Variants in THOC7 observed in about 807,000 individuals in gnomAD.
THOC7 encodes the protein THO complex subunit 7, also known as NIF3L1-binding protein 1.
In THOC7, 22 loss-of-function variants were observed where a neutral mutation model predicts 33.1. The ratio of observed to expected loss-of-function variants is 0.66; its 90% CI spans 0.47 to 0.95. The LOEUF is 0.95. THOC7 is among the 40% of genes least tolerant of loss of function. THOC7 has a pLI of 0.00. For synonymous variants in THOC7, 77 were observed against 76.8 expected, an observed-to-expected ratio of 1.00 and a Z score of -0.01; for missense variants, 184 against 245.3, an observed-to-expected ratio of 0.75 and a Z score of 1.67.
chr3:63,849,363 G>A (rs908147362), intron 1 of THOC7, among the ~76,000 whole-genome samples: 1 of 152,108 alleles, frequency 6.6e-6, no homozygotes, highest in African/African-American at 2.4e-5. Flanking sequence ...CCTCTAGCCT[G>A]GGTGACAGAG....
intron 1 of THOC7, among the ~76,000 whole-genome samples, chr3:63,845,532 C>T (rs1482232516): frequency 6.6e-6 from 1 of 152,178 alleles, no homozygotes; most frequent in Non-Finnish European, 1.5e-5. Context: ...TAACCAACGG[C>T]AGTCACAGTA....
chr3:63,849,344 C>A (rs141114217), intron 1 of THOC7, among the ~76,000 whole-genome samples: 1 of 152,102 alleles, frequency 6.6e-6, no homozygotes, highest in East Asian at 1.9e-4. Context: ...GCCAAGACTG[C>A]GTCACTGCCC....
At chr3:63,839,006 C>T (rs1701697324) in intron 2 of THOC7, among the ~76,000 whole-genome samples, 1 of 152,178 alleles carries the variant, frequency 6.6e-6, no homozygotes, top group African/African-American at 2.4e-5. Flanking sequence ...GCCTGGCCAA[C>T]ATGGTGAAAC....
chr3:63,851,186 C>G (rs1702014527), intron 1 of THOC7, among the ~76,000 whole-genome samples: 1 of 152,168 alleles, frequency 6.6e-6, no homozygotes, highest in South Asian at 2.1e-4. Flanking sequence ...AGAGAGCCAT[C>G]TGTCAAGCAT....
chr3:63,852,199 G>T (rs568224585), intron 1 of THOC7, among the ~76,000 whole-genome samples: 1 of 152,166 alleles, frequency 6.6e-6, no homozygotes, highest in Non-Finnish European at 1.5e-5. Flanking sequence ...CAAGAGATCC[G>T]CCTAGATTTC....
intron 1 of THOC7, among the ~76,000 whole-genome samples, chr3:63,857,883 T>C (rs76929260): frequency 0.015 from 2,328 of 152,302 alleles, 29 homozygotes; most frequent in Non-Finnish European, 0.024. Flanking sequence ...CAAGGTGAAA[T>C]GTCCATCTTG....
At chr3:63,853,713 C>G (rs1702058957) in intron 1 of THOC7, among the ~76,000 whole-genome samples, 1 of 152,136 alleles carries the variant, frequency 6.6e-6, no homozygotes, top group Non-Finnish European at 1.5e-5. Context: ...TCGAGACCAT[C>G]CTGGCTAACG....
At chr3:63,845,834 C>T (rs1701880908) in intron 1 of THOC7, among the ~76,000 whole-genome samples, 2 of 152,260 alleles carry the variant, frequency 1.3e-5, no homozygotes, top group South Asian at 4.1e-4. Context: ...TATAAGGTTT[C>T]TGGTTCTGGA....
intron 1 of THOC7, among the ~76,000 whole-genome samples, chr3:63,850,255 C>T (rs1365578532): frequency 1.3e-5 from 2 of 152,040 alleles, no homozygotes; most frequent in Non-Finnish European, 2.9e-5. Flanking sequence ...GGCTAGAGTG[C>T]GGTGGTGTGA....
At chr3:63,858,130 C>T (rs913544192) in intron 1 of THOC7, among the ~76,000 whole-genome samples, 4 of 152,176 alleles carry the variant, frequency 2.6e-5, no homozygotes, top group African/African-American at 9.7e-5. Flanking sequence ...TTTATACCAC[C>T]CTAGTTGGTG....
intron 1 of THOC7, among the ~76,000 whole-genome samples, chr3:63,855,767 C>T (rs895125427): frequency 1.3e-5 from 2 of 152,186 alleles, no homozygotes; most frequent in African/African-American, 2.4e-5. Flanking sequence ...TGAGGGAAGG[C>T]TGCAATCTCA....
At chr3:63,863,931 C>G, upstream of THOC7, 1 of 543,474 alleles carries the variant, frequency 1.8e-6, no homozygotes, top group Non-Finnish European at 2.3e-6. Flanking sequence ...CCTGCTCCGA[C>G]GCCTGAGCCG....
chr3:63,836,235 C>T (rs1383980857), intron 5 of THOC7, 66 bp downstream of exon 5: 2 of 1,466,936 alleles, frequency 1.4e-6, no homozygotes, highest in Non-Finnish European at 1.9e-6. Context: ...AATGAAATGC[C>T]TACGGTAGTT....
At chr3:63,837,903 CAA>C (rs1197611873) in intron 4 of THOC7, 71 bp downstream of exon 4, 20 of 1,370,802 alleles carry the variant, frequency 1.5e-5, no homozygotes, top group Non-Finnish European at 1.9e-5. Context: ...TTTTACCTCA[CAA>C]CATTAAAAAC....
chr3:63,834,189 T>C lies in THOC7; in HGVS notation c.558A>G (p.Lys186=). 6.2e-7 allele frequency: 1 copy of C among 1,613,722 alleles called. No homozygotes were observed. Among genetic ancestry groups the C allele is most frequent in the Non-Finnish European group, 8.5e-7 (1 of 1,179,928 alleles). The change falls in exon 8 of 8, where the codon AAA becomes AAG. Residue 186 remains lysine (K), a synonymous_variant. Coordinates refer to ENST00000295899, the MANE Select transcript of THOC7 (RefSeq NM_025075.4). ...CCTGAGCTTCTTCTACCTCTGAGAG[T>C]TTTTCATCATCTGTAATTGAGAAGG... ...ELQQTLENDE[K]LSEVEEAQEA...
At chr3:63,853,001 A>C (rs1702045810) in intron 1 of THOC7, among the ~76,000 whole-genome samples, 1 of 152,022 alleles carries the variant, frequency 6.6e-6, no homozygotes, top group African/African-American at 2.4e-5. Context: ...AAATACAAAA[A>C]TTAGCTGGGC....
In THOC7 at chr3:63,838,468, G is replaced by A. The variant is rs376353845; in HGVS notation, c.169C>T (p.Leu57=). 3.7e-6 allele frequency: 6 copies of A among 1,609,700 alleles called. No individual in the cohort carries two copies. Among genetic ancestry groups the A allele is most frequent in the Non-Finnish European group, 5.1e-6 (6 of 1,178,762 alleles). The change falls in exon 3 of 8, where the codon CTG becomes TTG. Residue 57 remains leucine (L), a synonymous_variant. Coordinates refer to ENST00000295899, the MANE Select transcript of THOC7 (RefSeq NM_025075.4). ...CCCATTGAAAATTCACATTGAGACA[G>A]CGTGCTCAGCATACGTTGGTACTGG... The part of the protein sequence containing the change: ...YSQYQRMLST[L]SQCEFSMGKT...
Position 63,836,491 on chromosome 3 carries a change from G to GT in THOC7, c.353-134dup, listed in dbSNP as rs1252353828. 6.5e-6 allele frequency: 5 copies of GT among 772,012 alleles called. No individual in the cohort carries two copies. The East Asian group carries it at 1.3e-4, about 20-fold the overall frequency. The allele number at this position is 772,012 out of a possible 1,614,324, so 47.8% of individuals were successfully genotyped here. ...AAGAAATGAAATCACTGAAAGATGA[G>GT]TATTGCCAGTTTTAGTTAACTGAGT... On this transcript the variant is annotated intron_variant, in intron 4 of 7. Coordinates refer to ENST00000295899, the MANE Select transcript of THOC7 (RefSeq NM_025075.4).
chr3:63,839,294 C>T (rs915876725), intron 2 of THOC7, among the ~76,000 whole-genome samples: 9 of 152,100 alleles, frequency 5.9e-5, no homozygotes, highest in Non-Finnish European at 1.0e-4. Context: ...GCAGAAATCA[C>T]GATTAATTTT....
Sources: gnomAD v4.1 joint callset for allele counts (sites outside exome capture counted in the v4.1 genomes callset) on GRCh38, gnomAD v4.1.1 for gene constraint, MANE v1.5 for transcripts, NCBI Gene and HGNC (gene_info 2026-07-23, HGNC 2026-07-21) for gene names.